Variants in LGALS9 observed in about 807,000 individuals in gnomAD.
The protein encoded by LGALS9 is galectin 9, also known as galectin-9.
A neutral mutation model predicts 35.9 loss-of-function variants in LGALS9; 26 were observed. That is an observed-to-expected ratio of 0.72 (90% CI 0.53 to 1.01). The LOEUF (loss-of-function observed/expected upper bound fraction) is 1.01, where lower values mean the gene tolerates loss of function less well. LGALS9 is among the 50% of genes least tolerant of loss of function. The probability of loss-of-function intolerance (pLI) is 0.00; values close to 1 mark genes in which losing one functional copy is unlikely to be tolerated. For missense variants in LGALS9, 347 were observed against 445.8 expected (o/e 0.78, Z 1.99); for synonymous variants, 149 against 172.2 (o/e 0.87, Z 1.06).
At chr17:27,636,483 G>A (rs558279856) in intron 1 of LGALS9, among the ~76,000 whole-genome samples, 3 of 152,078 alleles carry the variant, frequency 2.0e-5, no homozygotes, top group South Asian at 4.1e-4. Flanking sequence ...AATTTGGGGG[G>A]TTTCAAGACA....
Position 27,646,531 on chromosome 17 carries a change from G to T in LGALS9, c.628-16G>T. On this transcript the variant is annotated splice_polypyrimidine_tract_variant and intron_variant, in intron 7 of 10. Coordinates refer to ENST00000395473, the MANE Select transcript of LGALS9 (RefSeq NM_009587.3). ...CATGTGCTCTCCCATTGAATTTCCT[G>T]GTTTCTTTTCAACAGACTCCCGCCA... 6.2e-7 allele frequency: 1 copy of T among 1,612,018 alleles called. No individual in the cohort carries two copies. Among genetic ancestry groups the T allele is most frequent in the Admixed American group, 1.7e-5 (1 of 60,012 alleles).
intron 7 of LGALS9, 80 bp downstream of exon 7, chr17:27,645,991 G>T: frequency 1.9e-6 from 3 of 1,605,154 alleles, no homozygotes; most frequent in Non-Finnish European, 2.6e-6. Context: ...GAGCCCTAGA[G>T]TCGGGAAGAA....
In LGALS9 at chr17:27,645,166, A is replaced by C. The variant is rs1395941045; in HGVS notation, c.541-148A>C. 3.9e-6 allele frequency: 6 copies of C among 1,555,578 alleles called. No homozygotes were observed. In the Admixed American group the frequency reaches 5.2e-5, roughly 13 times the overall value. On this transcript the variant is annotated intron_variant, in intron 5 of 10. Coordinates refer to ENST00000395473, the MANE Select transcript of LGALS9 (RefSeq NM_009587.3). The stretch of plus-strand genomic sequence containing the variant: ...GTAAAAATCTGGGTGCCACGGGCTC[A>C]GGAAGGCTTGCTTGGGAGCAAGAGG...
intron 3 of LGALS9, among the ~76,000 whole-genome samples, chr17:27,642,015 C>T (rs1011171721): frequency 1.3e-5 from 2 of 152,144 alleles, no homozygotes; most frequent in Admixed American, 6.5e-5. Flanking sequence ...ACTAGAAAGA[C>T]AAACCTACTG....
intron 2 of LGALS9, chr17:27,640,265 C>T (rs1904364537): frequency 7.0e-6 from 3 of 429,162 alleles, no homozygotes; most frequent in South Asian, 4.2e-5. Flanking sequence ...CAACTTCCAT[C>T]TTCGGTATCA....
At chr17:27,643,389 T>A in intron 4 of LGALS9, 136 bp from the exon 5 acceptor site, 3 of 1,366,560 alleles carry the variant, frequency 2.2e-6, no homozygotes, top group Non-Finnish European at 3.0e-6. Context: ...CCATCCCATC[T>A]TGGCAGGGCC....
chr17:27,649,118 G>A lies in LGALS9; in HGVS notation c.*136G>A. ...TAATGCAGAGGCCATGTCCTTGTCT[G>A]GTCCTGCTTCTGGCTACAGCCACCC... On this transcript the variant is annotated 3_prime_UTR_variant, in exon 11 of 11. Transcript: ENST00000395473. 7.1e-7 allele frequency: 1 copy of A among 1,404,906 alleles called. No homozygotes were observed. Among genetic ancestry groups the A allele is most frequent in the Non-Finnish European group, 9.7e-7 (1 of 1,026,988 alleles). 87.0% of individuals were successfully genotyped at this position (1,404,906 alleles called of 1,614,324 possible).
In LGALS9 at chr17:27,643,532, G is replaced by A. The variant is rs763955206; in HGVS notation, c.452G>A (p.Arg151His). The A allele has an allele frequency of 5.0e-5, 81 of 1,611,770 alleles. No homozygotes were observed. The African/African-American group carries it at 7.3e-4, about 15-fold the overall frequency. The change falls in exon 5 of 11, where the codon CGC becomes CAC. Residue 151 changes from arginine to histidine, a missense_variant. Coordinates refer to ENST00000395473, the MANE Select transcript of LGALS9 (RefSeq NM_009587.3). ...TGCCTTTTGTTTTAACAGAACCCCC[G>A]CACAGTCCCTGTTCAGCCTGCCTTC... Reference protein sequence around the residue: ...QLSYISFQNPRTVPVQPAFST... With the variant: ...QLSYISFQNPHTVPVQPAFST...
chr17:27,639,909 T>C (rs1904343665), intron 2 of LGALS9, among the ~76,000 whole-genome samples: 1 of 152,202 alleles, frequency 6.6e-6, no homozygotes, highest in African/African-American at 2.4e-5. Flanking sequence ...GCTCATTTTT[T>C]GTATTTTTAG....
Position 27,642,293 on chromosome 17 carries a change from G to T in LGALS9, c.389G>T (p.Arg130Leu), listed in dbSNP as rs777812677. The T allele has an allele frequency of 1.2e-6, 2 of 1,612,556 alleles. No individual in the cohort carries two copies. The highest frequency in any genetic ancestry group is 1.7e-6 in the Non-Finnish European group (2 of 1,179,812). Reference protein sequence around the residue: ...VQYFHRVPFHRVDTISVNGSV... With the variant: ...VQYFHRVPFHLVDTISVNGSV... ...TACTTCCACCGCGTGCCCTTCCACCGTGTGGACACCATCTCCGTCAATGGC... is the reference window on the plus strand; with the variant it reads ...TACTTCCACCGCGTGCCCTTCCACCTTGTGGACACCATCTCCGTCAATGGC... The change falls in exon 4 of 11, where the codon CGT becomes CTT. Residue 130 changes from arginine to leucine, a missense_variant. Transcript: ENST00000395473.
intron 5 of LGALS9, 138 bp downstream of exon 5, chr17:27,643,758 C>T (rs1904708914): frequency 3.7e-6 from 5 of 1,361,854 alleles, no homozygotes; most frequent in Non-Finnish European, 4.9e-6. Context: ...CTGTCTCTGT[C>T]CGCTGGGCAC....
chr17:27,639,234 G>A (rs113163502), intron 2 of LGALS9, among the ~76,000 whole-genome samples: 148 of 152,248 alleles, frequency 9.7e-4, no homozygotes, highest in African/African-American at 2.7e-3. Flanking sequence ...GAGAGACTGC[G>A]GTGCCCTCAG....
chr17:27,632,359 C>T (rs535555973), intron 1 of LGALS9, among the ~76,000 whole-genome samples: 1 of 152,284 alleles, frequency 6.6e-6, no homozygotes, highest in African/African-American at 2.4e-5. Flanking sequence ...TTGAGTGCCC[C>T]CTGGTGACAC....
At chr17:27,647,783 T>A (rs1905056077) in intron 10 of LGALS9, among the ~76,000 whole-genome samples, 1 of 152,238 alleles carries the variant, frequency 6.6e-6, no homozygotes, top group Admixed American at 6.5e-5. Context: ...GCACCCCACA[T>A]GCTGGGGGCA....
chr17:27,645,446 T>C, intron 6 of LGALS9, 97 bp downstream of exon 6: 1 of 1,494,652 alleles, frequency 6.7e-7, no homozygotes. Flanking sequence ...CCATTGGGAG[T>C]GGGGAGGGCA....
intron 6 of LGALS9, 114 bp from the exon 7 acceptor site, chr17:27,645,747 G>A: frequency 1.3e-6 from 1 of 777,720 alleles, no homozygotes. Flanking sequence ...GGGTCTGTGG[G>A]GCCATTGGGC....
chr17:27,641,229 A>C (rs1176260208), intron 3 of LGALS9, among the ~76,000 whole-genome samples: 2 of 152,146 alleles, frequency 1.3e-5, no homozygotes, highest in African/African-American at 4.8e-5. Context: ...GCCTGTGGGT[A>C]AGTCAGTCCA....
At chr17:27,642,600 C>T (rs1904603805) in intron 4 of LGALS9, among the ~76,000 whole-genome samples, 1 of 152,016 alleles carries the variant, frequency 6.6e-6, no homozygotes, top group Non-Finnish European at 1.5e-5. Context: ...TTCTCTTCAT[C>T]CCTCAGTTTC....
chr17:27,638,054 A>G (rs1365099406), intron 1 of LGALS9, among the ~76,000 whole-genome samples: 2 of 152,114 alleles, frequency 1.3e-5, no homozygotes, highest in Admixed American at 1.3e-4. Context: ...TCACAAGCTT[A>G]GACTGTCTGA....
Sources: allele counts gnomAD v4.1 joint callset (sites outside exome capture counted in the v4.1 genomes callset), GRCh38; gene constraint gnomAD v4.1.1; transcripts MANE v1.5; gene names NCBI Gene and HGNC (gene_info 2026-07-23, HGNC 2026-07-21).